Variants in DOCK3 observed in about 807,000 individuals in gnomAD.
DOCK3 encodes dedicator of cytokinesis 3.
DOCK3 carries 60 observed loss-of-function variants against 265.6 expected under a neutral mutation model. That is an observed-to-expected ratio of 0.23 (90% CI 0.18 to 0.28). The LOEUF is 0.28. Among genes scored for constraint, DOCK3 ranks in the 10% least tolerant of loss-of-function variants. DOCK3 has a pLI of 1.00. For synonymous variants in DOCK3, 881 were observed against 938.0 expected, an observed-to-expected ratio of 0.94 and a Z score of 1.11; for missense variants, 1,981 against 2,594.3, an observed-to-expected ratio of 0.76 and a Z score of 5.14.
At chr3:51,204,894 T>C (rs1200065110) in intron 12 of DOCK3, among the ~76,000 whole-genome samples, 1 of 152,076 alleles carries the variant, frequency 6.6e-6, no homozygotes, top group Non-Finnish European at 1.5e-5. Flanking sequence ...GAAATCATCA[T>C]TCTCAGTAAA....
chr3:50,733,797 T>TC (rs2038384484), intron 1 of DOCK3, among the ~76,000 whole-genome samples: 2 of 151,872 alleles, frequency 1.3e-5, no homozygotes, highest in African/African-American at 2.4e-5. Flanking sequence ...TATTTTTTTT[T>TC]CTCCTCTTTC....
chr3:51,246,232 C>CTT (rs34878916), intron 21 of DOCK3, among the ~76,000 whole-genome samples: 6,248 of 130,570 alleles, frequency 0.048, 263 homozygotes, highest in Non-Finnish European at 0.068. Context: ...TTTAGGAAAA[C>CTT]TTTTTTTTTT....
intron 12 of DOCK3, among the ~76,000 whole-genome samples, chr3:51,194,280 T>C (rs1477666574): frequency 1.3e-5 from 2 of 152,192 alleles, no homozygotes; most frequent in Admixed American, 6.5e-5. Flanking sequence ...TTGATATGAT[T>C]TTGATTTTTT....
intron 12 of DOCK3, among the ~76,000 whole-genome samples, chr3:51,182,628 T>C (rs1045538524): frequency 1.3e-5 from 2 of 152,196 alleles, no homozygotes; most frequent in African/African-American, 2.4e-5. Flanking sequence ...TTGAAGTTTT[T>C]CTTATTGATT....
intron 9 of DOCK3, among the ~76,000 whole-genome samples, chr3:51,132,833 T>A (rs2106977246): frequency 6.6e-6 from 1 of 152,332 alleles, no homozygotes; most frequent in South Asian, 2.1e-4. Flanking sequence ...CTGGGGACAC[T>A]GAGTTTGTGA....
chr3:51,350,564 A>T (rs1382423571), intron 40 of DOCK3, among the ~76,000 whole-genome samples, 172 bp downstream of exon 40: 1 of 152,222 alleles, frequency 6.6e-6, no homozygotes, highest in Non-Finnish European at 1.5e-5. Context: ...TGCCAACTTC[A>T]GACTCTGTTT....
At chr3:51,365,471 C>T (rs1404014407) in intron 49 of DOCK3, among the ~76,000 whole-genome samples, 1 of 152,098 alleles carries the variant, frequency 6.6e-6, no homozygotes, top group African/African-American at 2.4e-5. Flanking sequence ...AATTGAATAC[C>T]CTTTATTTCT....
chr3:50,914,876 G>T (rs67895930), intron 4 of DOCK3, among the ~76,000 whole-genome samples: 14,354 of 152,052 alleles, frequency 0.094, 849 homozygotes, highest in Non-Finnish European at 0.12. Flanking sequence ...TTGGTGTCAT[G>T]TTTGACATGG....
intron 19 of DOCK3, 85 bp downstream of exon 19, chr3:51,229,694 C>T: frequency 1.0e-6 from 1 of 971,104 alleles, no homozygotes; most frequent in East Asian, 3.1e-5. Flanking sequence ...TTGCCAATAA[C>T]CGTCTGAGAC....
chr3:51,088,499 T>G (rs2082514185), intron 7 of DOCK3, among the ~76,000 whole-genome samples: 1 of 152,254 alleles, frequency 6.6e-6, no homozygotes. Context: ...ATACATTGTA[T>G]GCATGTATCA....
At chr3:50,706,168 A>T (rs1226177761) in intron 1 of DOCK3, among the ~76,000 whole-genome samples, 1 of 152,092 alleles carries the variant, frequency 6.6e-6, no homozygotes, top group Non-Finnish European at 1.5e-5. Context: ...TGGAATTGTG[A>T]GTCAATTAAA....
intron 2 of DOCK3, among the ~76,000 whole-genome samples, chr3:50,793,101 T>G (rs913788336): frequency 1.5e-4 from 23 of 152,190 alleles, no homozygotes; most frequent in Non-Finnish European, 3.1e-4. Context: ...TATTGGTCTG[T>G]TCACATATTC....
chr3:51,281,999 CACAA>C (rs1167845451), intron 27 of DOCK3, among the ~76,000 whole-genome samples: 1 of 152,202 alleles, frequency 6.6e-6, no homozygotes, highest in Non-Finnish European at 1.5e-5. Context: ...CAAGAGCACA[CACAA>C]ACAAAGGAGA....
chr3:51,039,495 G>C (rs552940928), intron 5 of DOCK3, among the ~76,000 whole-genome samples: 1 of 152,222 alleles, frequency 6.6e-6, no homozygotes, highest in African/African-American at 2.4e-5. Flanking sequence ...TACTGGCTAA[G>C]CTGTACTTTT....
At chr3:51,315,347 G>T (rs761828883) in intron 32 of DOCK3, among the ~76,000 whole-genome samples, 2 of 152,200 alleles carry the variant, frequency 1.3e-5, no homozygotes, top group Non-Finnish European at 2.9e-5. Flanking sequence ...AGGAAAGAAT[G>T]AACATCACTA....
chr3:50,721,670 C>A (rs2108021769), intron 1 of DOCK3, among the ~76,000 whole-genome samples: 1 of 152,152 alleles, frequency 6.6e-6, no homozygotes, highest in East Asian at 1.9e-4. Flanking sequence ...ATTGTTTTGG[C>A]TATTTAGTTC....
At chr3:51,379,765 C>T (rs1277935234) in intron 51 of DOCK3, among the ~76,000 whole-genome samples, 3 of 152,248 alleles carry the variant, frequency 2.0e-5, no homozygotes, top group Non-Finnish European at 4.4e-5. Context: ...AGCAGGTTAG[C>T]TCAGGAAGGC....
intron 14 of DOCK3, among the ~76,000 whole-genome samples, chr3:51,218,191 T>G (rs1392776515): frequency 6.6e-6 from 1 of 151,978 alleles, no homozygotes; most frequent in Non-Finnish European, 1.5e-5. Flanking sequence ...CCTAGCACTT[T>G]GGGAGGCCGA....
intron 5 of DOCK3, among the ~76,000 whole-genome samples, chr3:51,007,840 G>A (rs934763478): frequency 6.6e-6 from 1 of 152,088 alleles, no homozygotes; most frequent in Admixed American, 6.5e-5. Context: ...TCTACATATG[G>A]CTAGCCAGTT....
Sources: gnomAD v4.1 joint callset for allele counts (sites outside exome capture counted in the v4.1 genomes callset) on GRCh38, gnomAD v4.1.1 for gene constraint, MANE v1.5 for transcripts, NCBI Gene and HGNC (gene_info 2026-07-23, HGNC 2026-07-21) for gene names.